FREM2: variants seen among roughly 807,000 people sequenced by gnomAD.
FREM2 encodes the protein FRAS1 related extracellular matrix 2, also known as FRAS1-related extracellular matrix protein 2.
FREM2 carries 119 observed loss-of-function variants against 219.9 expected under a neutral mutation model. That is an observed-to-expected ratio of 0.54 (90% CI 0.47 to 0.63). FREM2 has a LOEUF of 0.63. Ranked by LOEUF, FREM2 falls within the 30% of genes least tolerant of loss-of-function variation. The pLI is 0.00. For synonymous variants in FREM2, 1,562 were observed against 1,522.8 expected (o/e 1.03, Z -0.60); for missense variants, 4,030 against 3,993.6 (o/e 1.01, Z -0.25).
chr13:38,791,145 C>A (rs1334251572), intron 6 of FREM2, among the ~76,000 whole-genome samples: 8 of 152,124 alleles, frequency 5.3e-5, no homozygotes. Context: ...TAATTTGGAA[C>A]CAGTGAATAA....
chr13:38,850,906 T>C (rs774270706), intron 9 of FREM2, 38 bp from the exon 10 acceptor site: 2 of 1,604,932 alleles, frequency 1.2e-6, no homozygotes, highest in African/African-American at 2.7e-5. Context: ...GATATATTCC[T>C]ATGGGATGTG....
rs1234126710 is a variant in FREM2 at position 38,885,201 on chromosome 13, G to C, written c.*4414G>C. 1 of 152,122 alleles carries C rather than the reference G, an allele frequency of 6.6e-6. No homozygotes were observed. The highest frequency in any genetic ancestry group is 2.4e-5 in the African/African-American group (1 of 41,458). The allele number at this position is 152,122 out of a possible 1,614,324, so 9.4% of individuals were successfully genotyped here. A position where few individuals can be genotyped will look rare whatever the true frequency, so the allele number is the denominator to read the frequency against. ...AGTTTCCATCAGGAAGAGTACATCA[G>C]AAACTTCTCCATAAGGAAAGAAAAC... On this transcript the variant is annotated 3_prime_UTR_variant, in exon 24 of 24. Transcript: ENST00000280481.
intron 6 of FREM2, among the ~76,000 whole-genome samples, chr13:38,833,025 T>G (rs1246459986): frequency 6.6e-6 from 1 of 152,074 alleles, no homozygotes; most frequent in Non-Finnish European, 1.5e-5. Context: ...GGTGACAGAA[T>G]GAGACTGTGT....
intron 6 of FREM2, among the ~76,000 whole-genome samples, chr13:38,819,497 G>T (rs186031949): frequency 6.6e-6 from 1 of 152,130 alleles, no homozygotes; most frequent in East Asian, 1.9e-4. Context: ...ACCCAGAAAT[G>T]AGCCCTCAAA....
intron 2 of FREM2, among the ~76,000 whole-genome samples, chr13:38,744,358 A>T (rs1470388517): frequency 6.6e-6 from 1 of 150,606 alleles, no homozygotes; most frequent in Middle Eastern, 3.5e-3. Flanking sequence ...GTACTGGTGT[A>T]CATCATTGCA....
intron 6 of FREM2, among the ~76,000 whole-genome samples, chr13:38,815,641 A>G (rs1011290145): frequency 7.9e-5 from 12 of 152,208 alleles, no homozygotes; most frequent in African/African-American, 2.2e-4. Context: ...TACGAGGACT[A>G]TTTGGCACAC....
chr13:38,727,573 A>C (rs943881536), intron 2 of FREM2, among the ~76,000 whole-genome samples: 8 of 152,266 alleles, frequency 5.3e-5, no homozygotes, highest in African/African-American at 1.7e-4. Context: ...AAAACATTAC[A>C]AGCTGCATGA....
intron 6 of FREM2, among the ~76,000 whole-genome samples, chr13:38,817,955 A>G (rs147828274): frequency 6.6e-6 from 1 of 152,238 alleles, no homozygotes; most frequent in Non-Finnish European, 1.5e-5. Context: ...CAACATTGCT[A>G]ACCATCAGAG....
rs777929539 is a variant in FREM2, at chr13:38,885,942, G to A, written c.*5155G>A. On this transcript the variant is annotated 3_prime_UTR_variant, in exon 24 of 24. Transcript: ENST00000280481. Reference sequence around the variant, plus strand: ...AATAAAGTGTTAAAATGTTAACAGCGTTGAAGTTTTTAAAATTATAATTAT... The same window carrying A: ...AATAAAGTGTTAAAATGTTAACAGCATTGAAGTTTTTAAAATTATAATTAT... The A allele has an allele frequency of 3.3e-5, 5 of 152,108 alleles. No homozygotes were observed. The highest frequency in any genetic ancestry group is 1.2e-4 in the African/African-American group (5 of 41,448). The allele number at this position is 152,108 out of a possible 1,614,324, so 9.4% of individuals were successfully genotyped here.
intron 2 of FREM2, among the ~76,000 whole-genome samples, chr13:38,754,690 G>T (rs1872910796): frequency 6.6e-6 from 1 of 152,078 alleles, no homozygotes; most frequent in African/African-American, 2.4e-5. Flanking sequence ...TCCTCTGCAG[G>T]CATTTTCAGA....
At chr13:38,869,788 T>TGC in intron 16 of FREM2, among the ~76,000 whole-genome samples, 1 of 152,232 alleles carries the variant, frequency 6.6e-6, no homozygotes, top group East Asian at 1.9e-4. Flanking sequence ...GCAAAATGGT[T>TGC]ATTAAAGTTA....
rs760142333 is a variant in FREM2, at chr13:38,872,896, A to C, written c.8138A>C (p.Asn2713Thr). The change falls in exon 17 of 24, where the codon AAT becomes ACT. Residue 2713 changes from asparagine to threonine, a missense_variant. Physicochemically the swap from Asn to Thr is moderately conservative, Grantham distance 65. This residue lies in a region of FREM2 where 928 missense variants were observed against 1,042.9 expected (regional missense o/e 0.89). Coordinates refer to ENST00000280481, the MANE Select transcript of FREM2 (RefSeq NM_207361.6). ...GTGTACGACACCGCCATCTTGTGGA[A>C]TGATGGAATTGGCAGCCCCCCAGAG... ...TFVYDTAILW[N>T]DGIGSPPEAE... 1 of 1,614,006 alleles carries C rather than the reference A, an allele frequency of 6.2e-7. No individual in the cohort carries two copies. Among genetic ancestry groups the C allele is most frequent in the Middle Eastern group, 1.7e-4 (1 of 6,024 alleles).
rs911065547 is a variant in FREM2 at position 38,885,296 on chromosome 13, A to C, written c.*4509A>C. The C allele has an allele frequency of 1.3e-5, 2 of 152,180 alleles. No homozygotes were observed. The highest frequency in any genetic ancestry group is 2.4e-5 in the African/African-American group (1 of 41,470). 9.4% of individuals were successfully genotyped at this position (152,180 alleles called of 1,614,324 possible). ...TCTTAATTTTATTTTATTAGGAGAA[A>C]AATCAGAATATTAAATTTGCAAACT... On this transcript the variant is annotated 3_prime_UTR_variant, in exon 24 of 24. Transcript: ENST00000280481.
At chr13:38,803,641 A>G (rs1305922124) in intron 6 of FREM2, among the ~76,000 whole-genome samples, 2 of 151,466 alleles carry the variant, frequency 1.3e-5, no homozygotes, top group African/African-American at 4.9e-5. Flanking sequence ...TAGGAAGGTA[A>G]TTAAGGAACA....
At chr13:38,867,692 T>C (rs1472042687) in intron 16 of FREM2, among the ~76,000 whole-genome samples, 1 of 152,138 alleles carries the variant, frequency 6.6e-6, no homozygotes, top group African/African-American at 2.4e-5. Flanking sequence ...CCAGGTTAAG[T>C]CCCCAAGTCT....
rs1351110698 is a variant in FREM2, at chr13:38,688,084, G to A, written c.740G>A (p.Gly247Asp). Reference sequence around the variant, plus strand: ...GTCCCTGGAGGAGCCAGAGAGGGAGGCGCCCCGGAGACTCTCCTGATGGAC... The same window carrying A: ...GTCCCTGGAGGAGCCAGAGAGGGAGACGCCCCGGAGACTCTCCTGATGGAC... ...PQVPGGAREG[G>D]APETLLMDCK... The change falls in exon 1 of 24, where the codon GGC (glycine) becomes GAC (aspartate). Residue 247 changes from glycine (G) to aspartate (D), a missense_variant. Physicochemically the swap from Gly to Asp is moderately conservative, Grantham distance 94 (BLOSUM62 -1). This residue lies in a region of FREM2 where 3,102 missense variants were observed against 2,950.7 expected (regional missense o/e 1.05). Coordinates refer to ENST00000280481, the MANE Select transcript of FREM2 (RefSeq NM_207361.6). 2 of 1,608,892 alleles carry A rather than the reference G, an allele frequency of 1.2e-6. No homozygotes were observed. Among genetic ancestry groups the A allele is most frequent in the Non-Finnish European group, 8.5e-7 (1 of 1,176,118 alleles).
rs765234378 is a variant in FREM2, at chr13:38,861,424, T to C, written c.7520-7T>C. ...TTCGCATAAATATGGTCTTTTTTTT[T>C]TTCAAGGTCTTTGTCAGCCCCGTGT... On this transcript the variant is annotated splice_region_variant and splice_polypyrimidine_tract_variant and intron_variant, in intron 14 of 23. Coordinates refer to ENST00000280481, the MANE Select transcript of FREM2 (RefSeq NM_207361.6). 1.2e-6 allele frequency: 2 copies of C among 1,613,814 alleles called. No individual in the cohort carries two copies. Among genetic ancestry groups the C allele is most frequent in the Non-Finnish European group, 1.7e-6 (2 of 1,179,884 alleles).
chr13:38,797,680 A>G (rs1168089355), intron 6 of FREM2, among the ~76,000 whole-genome samples: 1 of 152,052 alleles, frequency 6.6e-6, no homozygotes, highest in Non-Finnish European at 1.5e-5. Context: ...AAATCTGCCT[A>G]GACAAATGTT....
At chr13:38,744,129 C>T (rs1434832653) in intron 2 of FREM2, among the ~76,000 whole-genome samples, 2 of 150,064 alleles carry the variant, frequency 1.3e-5, no homozygotes, top group Admixed American at 1.3e-4. Context: ...AGATAAACAA[C>T]TAACATTTGT....
Sources: gnomAD v4.1 joint callset for allele counts (sites outside exome capture counted in the v4.1 genomes callset) on GRCh38, gnomAD v4.1.1 for gene constraint, gnomAD v4.1.1 regional missense constraint, MANE v1.5 for transcripts, NCBI Gene and HGNC (gene_info 2026-07-23, HGNC 2026-07-21) for gene names.